The following TMA16 variants were observed in gnomAD, a reference collection of about 807,000 sequenced individuals.
TMA16 encodes the protein translation machinery-associated protein 16.
Under a neutral mutation model 27.1 loss-of-function variants are expected in TMA16, and 26 were observed. The observed-to-expected ratio is 0.96, with a 90% CI of 0.70 to 1.33. TMA16 has a LOEUF of 1.33. Ranked by LOEUF, TMA16 falls within the 40% of genes most tolerant of loss-of-function variation. TMA16 has a pLI of 0.00. For missense variants in TMA16, 233 were observed against 241.4 expected (o/e 0.97, Z 0.23); for synonymous variants, 71 against 81.9 (o/e 0.87, Z 0.72).
intron 5 of TMA16, 83 bp from the exon 6 acceptor site, chr4:163,517,351 G>C (rs914187102): frequency 8.9e-6 from 12 of 1,351,516 alleles, no homozygotes; most frequent in Admixed American, 2.0e-5. Flanking sequence ...GGATATTCTT[G>C]CTAAAAATTA....
At chr4:163,498,797 G>A (rs1413338266) in intron 1 of TMA16, among the ~76,000 whole-genome samples, 3 of 152,118 alleles carry the variant, frequency 2.0e-5, no homozygotes, top group South Asian at 2.1e-4. Context: ...CCAAGATTAC[G>A]GAGGTACACA....
chr4:163,517,645 A>G lies in TMA16; in HGVS notation c.431+169A>G, dbSNP rs1737901896. 7.9e-6 allele frequency: 4 copies of G among 508,466 alleles called. No homozygotes were observed. In the South Asian group the frequency reaches 1.3e-4, roughly 16 times the overall value. The allele number at this position is 508,466 out of a possible 1,614,324, so 31.5% of individuals were successfully genotyped here. On this transcript the variant is annotated intron_variant, in intron 6 of 6. Transcript: ENST00000358572. ...ATTTTCTGAAGTTGGGCGTACAAAC[A>G]GTTGATCTGCACCAACAGGATGGTA... is the stretch of plus-strand genomic sequence containing the variant.
chr4:163,519,401 A>G lies in TMA16; in HGVS notation c.499A>G (p.Ile167Val), dbSNP rs776546045. The G allele has an allele frequency of 2.5e-6, 4 of 1,607,738 alleles. No individual in the cohort carries two copies. The East Asian group carries it at 6.7e-5, about 27-fold the overall frequency. The change falls in exon 7 of 7, where the codon ATT becomes GTT. Residue 167 changes from isoleucine (I) to valine (V), a missense_variant. By Grantham distance (29) the Ile-to-Val change is conservative. Transcript: ENST00000358572. ...KMRKICANDA[I>V]PKTCKRKTII... Reference sequence around the variant, plus strand: ...GAGAAAAATTTGCGCTAATGATGCAATTCCCAAGACGTGCAAGAGGAAAAC... The same window carrying G: ...GAGAAAAATTTGCGCTAATGATGCAGTTCCCAAGACGTGCAAGAGGAAAAC...
chr4:163,513,696 A>T (rs1737830508), intron 3 of TMA16, among the ~76,000 whole-genome samples: 1 of 152,198 alleles, frequency 6.6e-6, no homozygotes, highest in South Asian at 2.1e-4. Flanking sequence ...CAGCTTATTA[A>T]ATACTCAGCA....
intron 1 of TMA16, among the ~76,000 whole-genome samples, chr4:163,504,987 GA>G (rs1432647613): frequency 2.0e-5 from 3 of 152,216 alleles, no homozygotes; most frequent in Non-Finnish European, 4.4e-5. Context: ...GTTTCCATGA[GA>G]GGGGGAAAGA....
At chr4:163,513,479 G>T (rs185146800) in intron 3 of TMA16, among the ~76,000 whole-genome samples, 1 of 152,038 alleles carries the variant, frequency 6.6e-6, no homozygotes, top group East Asian at 1.9e-4. Context: ...TGACCCTGAC[G>T]GTCAGGTTTA....
intron 1 of TMA16, among the ~76,000 whole-genome samples, chr4:163,497,927 G>A (rs1426309991): frequency 6.6e-6 from 1 of 152,192 alleles, no homozygotes; most frequent in Non-Finnish European, 1.5e-5. Context: ...ACTGTTAACA[G>A]TTTCTTAGCT....
intron 1 of TMA16, among the ~76,000 whole-genome samples, chr4:163,501,208 ATAT>A (rs1210931268): frequency 6.6e-6 from 1 of 152,174 alleles, no homozygotes; most frequent in Non-Finnish European, 1.5e-5. Context: ...ATGATCCCAA[ATAT>A]TCTGGTCTTT....
At position 163,514,143 on chromosome 4, in the gene TMA16, G is replaced by T. The variant is rs771696741; in HGVS notation, c.224G>T (p.Cys75Phe). The T allele has an allele frequency of 6.0e-5, 96 of 1,607,166 alleles. No individual in the cohort carries two copies. The Middle Eastern group carries it at 1.8e-3, about 30-fold the overall frequency. ...AAGAGATATTCAAAGAAAGATGCTT[G>T]TGAACTAATTGAAAGGTAAACACTG... ...QKKRYSKKDA[C>F]ELIERYLNRF... is the part of the protein sequence containing the mutation. The change falls in exon 4 of 7, where the codon TGT becomes TTT. Residue 75 changes from cysteine to phenylalanine, a missense_variant. Coordinates refer to ENST00000358572, the MANE Select transcript of TMA16 (RefSeq NM_018352.3).
chr4:163,513,596 G>C (rs1266458778), intron 3 of TMA16, among the ~76,000 whole-genome samples: 1 of 152,028 alleles, frequency 6.6e-6, no homozygotes, highest in Non-Finnish European at 1.5e-5. Flanking sequence ...TTGGGGCCCT[G>C]GACAGGTCAT....
At chr4:163,497,160 G>A (rs551983638) in intron 1 of TMA16, among the ~76,000 whole-genome samples, 71 of 152,272 alleles carry the variant, frequency 4.7e-4, no homozygotes, top group African/African-American at 1.7e-3. Context: ...CTACCTTAAT[G>A]GTAGAGATTG....
intron 3 of TMA16, 35 bp from the exon 4 acceptor site, chr4:163,514,039 G>A (rs986266053): frequency 2.7e-6 from 4 of 1,493,028 alleles, no homozygotes; most frequent in East Asian, 2.3e-5. Flanking sequence ...ATGATGACTT[G>A]TGGGGTAAAC....
At chr4:163,501,841 G>T (rs1737654497) in intron 1 of TMA16, among the ~76,000 whole-genome samples, 1 of 152,114 alleles carries the variant, frequency 6.6e-6, no homozygotes, top group Non-Finnish European at 1.5e-5. Flanking sequence ...TTGATTTTTA[G>T]ATCTCAGGTT....
At chr4:163,494,959 C>G (rs940342621) in intron 1 of TMA16, 155 bp downstream of exon 1, 25 of 1,109,428 alleles carry the variant, frequency 2.3e-5, no homozygotes, top group Non-Finnish European at 3.2e-5. Flanking sequence ...GGGGCGAAGC[C>G]TCTGGGAGGC....
At chr4:163,498,076 T>C (rs899799511) in intron 1 of TMA16, among the ~76,000 whole-genome samples, 1 of 152,178 alleles carries the variant, frequency 6.6e-6, no homozygotes, top group Admixed American at 6.5e-5. Flanking sequence ...TGTAAGTACA[T>C]ATAGATCCAC....
At chr4:163,507,221 C>A in intron 2 of TMA16, 76 bp downstream of exon 2, 1 of 1,246,122 alleles carries the variant, frequency 8.0e-7, no homozygotes, top group Non-Finnish European at 1.1e-6. Context: ...AACATATATC[C>A]TTTCACAGTA....
intron 2 of TMA16, among the ~76,000 whole-genome samples, chr4:163,508,549 T>C (rs1737748786): frequency 6.6e-6 from 1 of 152,218 alleles, no homozygotes; most frequent in Non-Finnish European, 1.5e-5. Flanking sequence ...TGAAAAGATC[T>C]GGTGAAGGTT....
intron 2 of TMA16, among the ~76,000 whole-genome samples, chr4:163,507,865 A>G (rs889631071): frequency 3.3e-5 from 5 of 151,848 alleles, no homozygotes; most frequent in African/African-American, 1.2e-4. Context: ...TGCCCTTGCC[A>G]TTTTCATGAA....
intron 2 of TMA16, among the ~76,000 whole-genome samples, chr4:163,509,720 A>G (rs947895560): frequency 6.6e-6 from 1 of 152,230 alleles, no homozygotes; most frequent in Non-Finnish European, 1.5e-5. Context: ...TTAGGACTGT[A>G]TGACAGGAAC....
Sources: gnomAD v4.1 joint callset for allele counts (sites outside exome capture counted in the v4.1 genomes callset) on GRCh38, gnomAD v4.1.1 for gene constraint, MANE v1.5 for transcripts, NCBI Gene and HGNC (gene_info 2026-07-23, HGNC 2026-07-21) for gene names.